The following IQSEC2 variants were observed in gnomAD, a reference collection of about 807,000 sequenced individuals.
IQSEC2 encodes IQ motif and Sec7 domain ArfGEF 2.
In IQSEC2, 6 loss-of-function variants were observed where a neutral mutation model predicts 74.6. That is an observed-to-expected ratio of 0.08 (90% CI 0.04 to 0.16). IQSEC2 has a LOEUF of 0.16. Among genes scored for constraint, IQSEC2 ranks in the 10% least tolerant of loss-of-function variants. The pLI, the probability that IQSEC2 is intolerant of heterozygous loss-of-function variation, is 1.00. For missense variants in IQSEC2, 734 were observed against 1,306.2 expected, an observed-to-expected ratio of 0.56 and a Z score of 6.75; for synonymous variants, 494 against 544.5, an observed-to-expected ratio of 0.91 and a Z score of 1.29.
In IQSEC2 at chrX:53,234,225, C is replaced by G. The variant is rs1176775190; in HGVS notation, c.4461G>C (p.Val1487=). Residue 1487 remains valine (V), a synonymous_variant, in exon 15 of 15, where the codon GTG becomes GTC. Coordinates refer to ENST00000642864, the MANE Select transcript of IQSEC2 (RefSeq NM_001111125.3). ...AGCTCACTCTCTCCATTCATCAGAC[C>G]ACGGTGCTGATCCGGCTTGGCTTGG... The part of the protein sequence containing the change: ...PKAKPSRIST[V]V 1 of 1,052,421 alleles carries G rather than the reference C, an allele frequency of 9.5e-7. No homozygotes were observed. Among genetic ancestry groups the G allele is most frequent in the Non-Finnish European group, 1.2e-6 (1 of 803,124 alleles). The allele number at this position is 1,052,421 out of a possible 1,213,427, so 86.7% of individuals were successfully genotyped here.
chrX:53,269,003 G>T (rs781931906), intron 2 of IQSEC2, among the ~76,000 whole-genome samples: 3 of 111,968 alleles, frequency 2.7e-5, no homozygotes, highest in Non-Finnish European at 5.6e-5. Context: ...TTATTATAAC[G>T]GCCATTATAG....
chrX:53,236,192 G>A, intron 13 of IQSEC2, 130 bp downstream of exon 13: 3 of 788,916 alleles, frequency 3.8e-6, no homozygotes, highest in Non-Finnish European at 5.5e-6. Flanking sequence ...GCAGCGCCCA[G>A]GGCTCTGGGT....
rs781997325 is a variant in IQSEC2, at chrX:53,250,670, C to A, written c.1906G>T (p.Gly636Trp). ...CSPHGTLKHK[G>W]PPGRAPIPHR... is the part of the protein sequence containing the mutation. ...GGGATCGGGGCCCTGCCTGGTGGCC[C>A]CTTGTGCTTCAGGGTCCCATGGGGG... is the stretch of plus-strand genomic sequence containing the variant. The change falls in exon 5 of 15, where the codon GGG (glycine) becomes TGG (tryptophan). Residue 636 changes from glycine to tryptophan, a missense_variant. By Grantham distance (184) the Gly-to-Trp change is radical. Coordinates refer to ENST00000642864, the MANE Select transcript of IQSEC2 (RefSeq NM_001111125.3). 8.3e-7 allele frequency: 1 copy of A among 1,210,650 alleles called. No homozygotes were observed. The highest frequency in any genetic ancestry group is 1.1e-6 in the Non-Finnish European group (1 of 895,047).
intron 4 of IQSEC2, among the ~76,000 whole-genome samples, chrX:53,254,189 G>A (rs1232179628): frequency 9.1e-6 from 1 of 110,034 alleles, no homozygotes; most frequent in Non-Finnish European, 1.9e-5. Context: ...AATTAGCCGG[G>A]CGTGGTGTCA....
intron 14 of IQSEC2, 136 bp from the exon 15 acceptor site, chrX:53,235,320 C>T (rs1204347223): frequency 1.9e-5 from 15 of 789,404 alleles, no homozygotes; most frequent in East Asian, 3.5e-5. Context: ...AATCACAGTC[C>T]GGTACGCGTA....
In IQSEC2 at chrX:53,281,575, G is replaced by A. The variant is rs1006478613; in HGVS notation, c.737+10320C>T. 96 of 1,131,248 alleles carry A rather than the reference G, an allele frequency of 8.5e-5. No homozygotes were observed. The South Asian group carries it at 9.4e-4, about 11-fold the overall frequency. 93.2% of individuals were successfully genotyped at this position (1,131,248 alleles called of 1,213,427 possible). ...CCCTGGCCTAGCCGGTGTCTCCACCGTGTCACCACCCCCTCCTCCCCAGCC... is the reference window on the plus strand; with the variant it reads ...CCCTGGCCTAGCCGGTGTCTCCACCATGTCACCACCCCCTCCTCCCCAGCC... On this transcript the variant is annotated intron_variant, in intron 2 of 14. Coordinates refer to ENST00000642864, the MANE Select transcript of IQSEC2 (RefSeq NM_001111125.3).
chrX:53,235,893 C>T, intron 13 of IQSEC2, 61 bp from the exon 14 acceptor site: 2 of 1,086,166 alleles, frequency 1.8e-6, no homozygotes, highest in South Asian at 2.1e-5. Flanking sequence ...CCCTGCTGGG[C>T]TCCAGAGCTG....
chrX:53,266,887 G>T, intron 2 of IQSEC2: 2 of 697,111 alleles, frequency 2.9e-6, no homozygotes, highest in East Asian at 5.2e-5. Context: ...GGGGGAATCT[G>T]CGGGGGGGTG....
At chrX:53,295,031 C>T (rs781992233) in intron 1 of IQSEC2, among the ~76,000 whole-genome samples, 1 of 111,020 alleles carries the variant, frequency 9.0e-6, no homozygotes, top group South Asian at 3.9e-4. Context: ...CCATGTTGGC[C>T]AGGCTGGTCT....
chrX:53,253,646 TG>T (rs1466295808), intron 4 of IQSEC2, among the ~76,000 whole-genome samples: 10 of 112,181 alleles, frequency 8.9e-5, no homozygotes, highest in African/African-American at 2.9e-4. Flanking sequence ...CCCCCTCCTC[TG>T]GGTTCCCAAG....
intron 2 of IQSEC2, among the ~76,000 whole-genome samples, chrX:53,259,930 A>AGT (rs2074544082): frequency 8.9e-6 from 1 of 112,641 alleles, no homozygotes; most frequent in Non-Finnish European, 1.9e-5. Context: ...TGCCAGGCAC[A>AGT]GTGCTGGGTG....
At chrX:53,309,324 G>A (rs1196945935) in intron 1 of IQSEC2, among the ~76,000 whole-genome samples, 2 of 112,027 alleles carry the variant, frequency 1.8e-5, no homozygotes, top group African/African-American at 6.5e-5. Context: ...CAGGGGATAG[G>A]AAGACGTCAG....
intron 2 of IQSEC2, among the ~76,000 whole-genome samples, chrX:53,290,918 G>A (rs1556872913): frequency 8.9e-6 from 1 of 112,535 alleles, no homozygotes; most frequent in Non-Finnish European, 1.9e-5. Flanking sequence ...TATCCAACCC[G>A]TGCTATGCTC....
Position 53,254,626 on chromosome X carries a change from G to A in IQSEC2, c.1305C>T (p.Ser435=), listed in dbSNP as rs141179220. The A allele has an allele frequency of 5.8e-6, 7 of 1,200,603 alleles. No individual in the cohort carries two copies. In the African/African-American group the frequency reaches 1.1e-4, roughly 18 times the overall value. The stretch of plus-strand genomic sequence containing the variant: ...CACCACCATCGATGCCCCCACCACA[G>A]GAGCCTCCATATGGGAGCCCCCGTT... ...RLERGLPYGG[S]CGGGIDGGGS... is the part of the protein sequence containing the mutation. The change falls in exon 4 of 15, where the codon TCC becomes TCT. Residue 435 remains serine, a synonymous_variant. Coordinates refer to ENST00000642864, the MANE Select transcript of IQSEC2 (RefSeq NM_001111125.3).
At chrX:53,265,674 C>A (rs2074645545) in intron 2 of IQSEC2, among the ~76,000 whole-genome samples, 1 of 111,448 alleles carries the variant, frequency 9.0e-6, no homozygotes, top group African/African-American at 3.3e-5. Context: ...TAAAGGACAT[C>A]TTCCACCCTC....
intron 4 of IQSEC2, among the ~76,000 whole-genome samples, chrX:53,251,847 C>T (rs782397216): frequency 3.4e-4 from 38 of 112,247 alleles, no homozygotes; most frequent in Admixed American, 5.6e-4. Context: ...ATCCCTTGAG[C>T]CCAGGAGTTC....
At chrX:53,285,119 C>A (rs2075012932) in intron 2 of IQSEC2, among the ~76,000 whole-genome samples, 1 of 111,924 alleles carries the variant, frequency 8.9e-6, no homozygotes, top group African/African-American at 3.2e-5. Flanking sequence ...CTTTGCCCCA[C>A]CCAACCCCTC....
At position 53,294,160 on chromosome X, in the gene IQSEC2, G is replaced by A. The variant is rs143778173; in HGVS notation, c.708-2236C>T. Among the ~76,000 whole-genome samples, 307 of 112,269 alleles carry A rather than the reference G, an allele frequency of 2.7e-3. 1 individual carries two copies. Among genetic ancestry groups the A allele is most frequent in the African/African-American group, 9.2e-3 (283 of 30,912 alleles). On this transcript the variant is annotated intron_variant, in intron 1 of 14. Coordinates refer to ENST00000642864, the MANE Select transcript of IQSEC2 (RefSeq NM_001111125.3). ...AGTGCTCTTTCACCTGAGAGATTAT[G>A]AGAAATATATCTCTGCTCCAAAAGT... is the stretch of plus-strand genomic sequence containing the variant.
chrX:53,230,924 T>C (rs888366210), downstream of IQSEC2: 7 of 111,534 alleles, frequency 6.3e-5, no homozygotes, highest in African/African-American at 1.6e-4. Flanking sequence ...GGGACTGCAA[T>C]GAGGACTGGA....
Sources: allele counts gnomAD v4.1 joint callset (sites outside exome capture counted in the v4.1 genomes callset), GRCh38; gene constraint gnomAD v4.1.1; transcripts MANE v1.5; gene names NCBI Gene and HGNC (gene_info 2026-07-23, HGNC 2026-07-21).